RGS14: variants seen among roughly 807,000 people sequenced by gnomAD.
RGS14 encodes regulator of G protein signaling 14.
A neutral mutation model predicts 63.8 loss-of-function variants in RGS14; 33 were observed. The observed-to-expected ratio is 0.52, with a 90% confidence interval of 0.39 to 0.69. The LOEUF is 0.69. RGS14 is among the 30% of genes least tolerant of loss of function. RGS14 has a pLI of 0.00. For missense variants in RGS14, 739 were observed against 742.9 expected, an observed-to-expected ratio of 0.99 and a Z score of 0.06; for synonymous variants, 296 against 320.9, an observed-to-expected ratio of 0.92 and a Z score of 0.83.
At chr5:177,360,950 G>A (rs1038902444) in intron 1 of RGS14, among the ~76,000 whole-genome samples, 3 of 152,182 alleles carry the variant, frequency 2.0e-5, no homozygotes, top group Non-Finnish European at 2.9e-5. Context: ...GTCCCTAAAG[G>A]GTCTGCAAGC....
At position 177,372,034 on chromosome 5, in the gene RGS14, A is replaced by G; in HGVS notation, c.1660A>G (p.Ile554Val). 2.5e-6 allele frequency: 4 copies of G among 1,614,108 alleles called. No individual in the cohort carries two copies. Among genetic ancestry groups the G allele is most frequent in the Middle Eastern group, 1.6e-4 (1 of 6,062 alleles). ...PPQTKSAAQP[I>V]GGSLNSTTDS... is the part of the protein sequence containing the mutation. ...ACAGACCAAATCAGCAGCCCAGCCCATCGGGGGATCCTTGAACTCCACCAC... is the reference window on the plus strand; with the variant it reads ...ACAGACCAAATCAGCAGCCCAGCCCGTCGGGGGATCCTTGAACTCCACCAC... The change falls in exon 15 of 15, where the codon ATC becomes GTC. Residue 554 changes from isoleucine to valine, a missense_variant. Coordinates refer to ENST00000408923, the MANE Select transcript of RGS14 (RefSeq NM_006480.5).
rs372234841 is a variant in RGS14 at position 177,370,282 on chromosome 5, G to C, written c.1054-309G>C. Among the ~76,000 whole-genome samples the C allele has an allele frequency of 2.0e-5, 3 of 152,194 alleles. No homozygotes were observed. The East Asian group carries it at 5.8e-4, about 29-fold the overall frequency. On this transcript the variant is annotated intron_variant, in intron 9 of 14. Transcript: ENST00000408923. The stretch of plus-strand genomic sequence containing the variant: ...GCCTGTCCTGGCACAGAAAGAGTAG[G>C]CCAGAGATCCCGGATCTAGGCCTGC...
rs370975917 is a variant in RGS14 at position 177,361,829 on chromosome 5, G to A, written c.45+3760G>A. ...CCGGCCGAGGTCCAAGCCTGGGTCC[G>A]TGTGTCACTGGCCACCACACCCTTC... On this transcript the variant is annotated intron_variant, in intron 1 of 14. Transcript: ENST00000408923. Among the ~76,000 whole-genome samples, 128 of 152,280 alleles carry A rather than the reference G, an allele frequency of 8.4e-4. 3 individuals carry two copies. In the Middle Eastern group the frequency reaches 0.02, roughly 24 times the overall value.
intron 1 of RGS14, among the ~76,000 whole-genome samples, chr5:177,363,964 G>A (rs908835082): frequency 1.1e-4 from 17 of 152,212 alleles, no homozygotes; most frequent in African/African-American, 3.9e-4. Flanking sequence ...CAGTCTCACG[G>A]AGCAAGTGGA....
Position 177,371,302 on chromosome 5 carries a change from G to T in RGS14, c.1337-48G>T. ...GGAACAGCTGTGGCCCAGGAGGAAG[G>T]GGGTCCAGGTGGGAGGCAAACACTA... On this transcript the variant is annotated intron_variant, in intron 12 of 14. Coordinates refer to ENST00000408923, the MANE Select transcript of RGS14 (RefSeq NM_006480.5). This position sits in a 1 kb window ranked among gnomAD's most constrained non-coding sequence, Gnocchi z 6.1. The T allele has an allele frequency of 1.2e-6, 2 of 1,614,070 alleles. No homozygotes were observed. Among genetic ancestry groups the T allele is most frequent in the African/African-American group, 1.3e-5 (1 of 75,036 alleles).
chr5:177,370,521 T>G, intron 9 of RGS14, 70 bp from the exon 10 acceptor site: 1 of 1,417,120 alleles, frequency 7.1e-7, no homozygotes. Context: ...CGTGAAGTTG[T>G]TCTCAGACCC....
At position 177,368,271 on chromosome 5, in the gene RGS14, G is replaced by GCC; in HGVS notation, c.849+6_849+7dup. Reference sequence around the variant, plus strand: ...TTCGTCAGCAGCAAATCTGAGGTGAGCCGACTGTTGGGGAAGACAAGATGC... The same window carrying GCC: ...TTCGTCAGCAGCAAATCTGAGGTGAGCCCCGACTGTTGGGGAAGACAAGATGC... On this transcript the variant is annotated splice_donor_region_variant and intron_variant, in intron 8 of 14. Transcript: ENST00000408923. 3.7e-6 allele frequency: 6 copies of GCC among 1,607,798 alleles called. No homozygotes were observed. In the East Asian group the frequency reaches 1.3e-4, roughly 36 times the overall value.
At position 177,371,367 on chromosome 5, in the gene RGS14, G is replaced by A; in HGVS notation, c.1354G>A (p.Ala452Thr). 1 of 1,614,064 alleles carries A rather than the reference G, an allele frequency of 6.2e-7. No individual in the cohort carries two copies. Among genetic ancestry groups the A allele is most frequent in the Non-Finnish European group, 8.5e-7 (1 of 1,180,000 alleles). ...DTLPGVKISK[A>T]RDKSPCRSQG... The stretch of plus-strand genomic sequence containing the variant: ...TGCTGCAGGTGTGAAGATCTCCAAA[G>A]CCCGTGACAAATCTCCCTGCCGCAG... Residue 452 changes from alanine to threonine, a missense_variant, in exon 13 of 15, where the codon GCC (alanine) becomes ACC (threonine). Coordinates refer to ENST00000408923, the MANE Select transcript of RGS14 (RefSeq NM_006480.5). The surrounding 1 kb of genome is among the most constrained non-coding windows in gnomAD (Gnocchi z 6.1).
intron 9 of RGS14, chr5:177,369,138 C>T (rs1014906717): frequency 1.7e-6 from 1 of 581,584 alleles, no homozygotes; most frequent in Non-Finnish European, 3.1e-6. Context: ...ATTGTGGTGA[C>T]CTTAGGGAGG....
Position 177,364,285 on chromosome 5 carries a change from T to A in RGS14, c.46-1678T>A, listed in dbSNP as rs1214321677. Among the ~76,000 whole-genome samples, 2 of 151,754 alleles carry A rather than the reference T, an allele frequency of 1.3e-5. No individual in the cohort carries two copies. ...CTTCTGTGACAGGGCATGGTGAAAGTGTAGGAGGTAAGCGGGAAGTAGGAA... is the reference window on the plus strand; with the variant it reads ...CTTCTGTGACAGGGCATGGTGAAAGAGTAGGAGGTAAGCGGGAAGTAGGAA... On this transcript the variant is annotated intron_variant, in intron 1 of 14. Coordinates refer to ENST00000408923, the MANE Select transcript of RGS14 (RefSeq NM_006480.5). This position sits in a 1 kb window ranked among gnomAD's most constrained non-coding sequence, Gnocchi z 4.6.
At chr5:177,363,161 A>G (rs67111717) in intron 1 of RGS14, among the ~76,000 whole-genome samples, 62,193 of 151,972 alleles carry the variant, frequency 0.41, 13,694 homozygotes, top group African/African-American at 0.58. Context: ...GCGGCCGCGC[A>G]GGGAAAGGCT....
intron 9 of RGS14, 157 bp downstream of exon 9, chr5:177,369,077 C>T: frequency 3.0e-6 from 2 of 670,296 alleles, no homozygotes; most frequent in Non-Finnish European, 5.3e-6. Flanking sequence ...CAGACATCCA[C>T]CCACCCCCCA....
At position 177,370,980 on chromosome 5, in the gene RGS14, G is replaced by C; in HGVS notation, c.1203G>C (p.Gln401His). 6.2e-7 allele frequency: 1 copy of C among 1,606,568 alleles called. No homozygotes were observed. The highest frequency in any genetic ancestry group is 8.5e-7 in the Non-Finnish European group (1 of 1,179,310). Residue 401 changes from glutamine (Q) to histidine (H), a missense_variant, in exon 11 of 15, where the codon CAG (glutamine) becomes CAC (histidine). By Grantham distance (24) the Gln-to-His change is conservative. Transcript: ENST00000408923. The stretch of plus-strand genomic sequence containing the variant: ...CCAAGCGGCTGCAGGAGGCGCTGCA[G>C]CCCATTCTGGAGAAGCACGGCTTGA... ...KPTKRLQEAL[Q>H]PILEKHGLSP...
At chr5:177,363,339 G>T (rs1016664456) in intron 1 of RGS14, among the ~76,000 whole-genome samples, 6 of 152,000 alleles carry the variant, frequency 3.9e-5, no homozygotes, top group Admixed American at 6.5e-5. Context: ...GGGGCGGGGC[G>T]CGCTGGGCCC....
At position 177,366,964 on chromosome 5, in the gene RGS14, G is replaced by T; in HGVS notation, c.413G>T (p.Arg138Leu). The T allele has an allele frequency of 6.2e-7, 1 of 1,613,910 alleles. No homozygotes were observed. Among genetic ancestry groups the T allele is most frequent in the Non-Finnish European group, 8.5e-7 (1 of 1,180,010 alleles). ...SQALSPVNID[R>L]QAWLGEEVLA... is the part of the protein sequence containing the mutation. ...GCGCTGAGCCCAGTGAACATCGACC[G>T]TCAGGCCTGGCTTGGCGAGGAGGTG... Residue 138 changes from arginine to leucine, a missense_variant, in exon 5 of 15, where the codon CGT becomes CTT. Coordinates refer to ENST00000408923, the MANE Select transcript of RGS14 (RefSeq NM_006480.5).
rs1762171750 is a variant in RGS14, at chr5:177,368,853, C to T, written c.986C>T (p.Ala329Val). 6.2e-7 allele frequency: 1 copy of T among 1,614,236 alleles called. No homozygotes were observed. The highest frequency in any genetic ancestry group is 8.5e-7 in the Non-Finnish European group (1 of 1,180,042). Reference protein sequence around the residue: ...RPGLTIRDMLAGICEKRGLSL... With the variant: ...RPGLTIRDMLVGICEKRGLSL... ...GGCCTCACCATCCGAGACATGCTGG[C>T]AGGGATCTGTGAGAAACGAGGCCTC... The change falls in exon 9 of 15, where the codon GCA (alanine) becomes GTA (valine). Residue 329 changes from alanine to valine, a missense_variant. By Grantham distance (64) the Ala-to-Val change is moderately conservative. Coordinates refer to ENST00000408923, the MANE Select transcript of RGS14 (RefSeq NM_006480.5).
Position 177,367,353 on chromosome 5 carries a change from T to G in RGS14, c.484-61T>G. The G allele has an allele frequency of 2.0e-6, 3 of 1,522,500 alleles. No homozygotes were observed. The Admixed American group carries it at 6.0e-5, about 30-fold the overall frequency. The allele number at this position is 1,522,500 out of a possible 1,614,324, so 94.3% of individuals were successfully genotyped here. A position where few individuals can be genotyped will look rare whatever the true frequency, so the allele number is the denominator to read the frequency against. On this transcript the variant is annotated intron_variant, in intron 5 of 14. Coordinates refer to ENST00000408923, the MANE Select transcript of RGS14 (RefSeq NM_006480.5). ...GCCAGCCCCAAGGACCCGGCCTGGG[T>G]GCAGGCAGCCCAGCGCCCCCACCCC... is the stretch of plus-strand genomic sequence containing the variant.
intron 1 of RGS14, among the ~76,000 whole-genome samples, chr5:177,363,637 G>T (rs1286161477): frequency 6.6e-6 from 1 of 152,098 alleles, no homozygotes; most frequent in African/African-American, 2.4e-5. Flanking sequence ...TTTACTACAC[G>T]CCCGATAGTG....
rs554834987 is a variant in RGS14, at chr5:177,364,028, A to C, written c.46-1935A>C. On this transcript the variant is annotated intron_variant, in intron 1 of 14. Transcript: ENST00000408923. This position sits in a 1 kb window ranked among gnomAD's most constrained non-coding sequence, Gnocchi z 4.6. ...GAAAATACCTTTAAATAAAAATAAT[A>C]ATCATCATAATAAAACCTGAGAGGG... Among the ~76,000 whole-genome samples, 7 of 152,312 alleles carry C rather than the reference A, an allele frequency of 4.6e-5. No homozygotes were observed. The South Asian group carries it at 1.0e-3, about 23-fold the overall frequency.
Sources: allele counts gnomAD v4.1 joint callset (sites outside exome capture counted in the v4.1 genomes callset), GRCh38; gene constraint gnomAD v4.1.1; non-coding constraint Gnocchi (gnomAD v3.1); transcripts MANE v1.5; gene names NCBI Gene and HGNC (gene_info 2026-07-23, HGNC 2026-07-21).